LASP1: variants seen among roughly 807,000 people sequenced by gnomAD.
LASP1 encodes LIM and SH3 protein 1.
In LASP1, 10 loss-of-function variants were observed where a neutral mutation model predicts 38.6. The ratio of observed to expected loss-of-function variants is 0.26; its 90% CI spans 0.16 to 0.44. LASP1 has a LOEUF of 0.44. Ranked by LOEUF, LASP1 falls within the 20% of genes least tolerant of loss-of-function variation. The probability of loss-of-function intolerance (pLI) is 1.00; values close to 1 mark genes in which losing one functional copy is unlikely to be tolerated. For synonymous variants in LASP1, 132 were observed against 140.8 expected (o/e 0.94, Z 0.44); for missense variants, 243 against 375.7 (o/e 0.65, Z 2.92).
At position 38,914,471 on chromosome 17, in the gene LASP1, C is replaced by A; in HGVS notation, c.504C>A (p.Ala168=). 1.2e-5 allele frequency: 20 copies of A among 1,603,218 alleles called. No homozygotes were observed. Among genetic ancestry groups the A allele is most frequent in the Non-Finnish European group, 1.6e-5 (19 of 1,175,316 alleles). ...AGCCTCACCACATCCCGACCAGTGC[C>A]CCGGGTGAGTGCAGGTCCTGTTGGT... The part of the protein sequence containing the change: ...QQQPHHIPTS[A]PVYQQPQQQP... The change falls in exon 5 of 7, where the codon GCC becomes GCA. Residue 168 remains alanine (A), a synonymous_variant. Coordinates refer to ENST00000318008, the MANE Select transcript of LASP1 (RefSeq NM_006148.4).
At chr17:38,894,289 T>A (rs1226132207) in intron 3 of LASP1, among the ~76,000 whole-genome samples, 1 of 152,194 alleles carries the variant, frequency 6.6e-6, no homozygotes, top group African/African-American at 2.4e-5. Flanking sequence ...TGTTCTTCCA[T>A]TTTTTCCTTC....
intron 3 of LASP1, among the ~76,000 whole-genome samples, chr17:38,892,259 C>T (rs954192314): frequency 5.9e-5 from 9 of 152,186 alleles, no homozygotes; most frequent in African/African-American, 1.9e-4. Context: ...CTGGTCTTGT[C>T]ACTCCCAAGT....
chr17:38,881,793 C>G (rs1913960170), intron 2 of LASP1, among the ~76,000 whole-genome samples: 1 of 152,222 alleles, frequency 6.6e-6, no homozygotes. Context: ...TATGTTCTGC[C>G]TGTCTCTGGC....
At chr17:38,902,785 C>T (rs2143800230) in intron 4 of LASP1, among the ~76,000 whole-genome samples, 2 of 152,292 alleles carry the variant, frequency 1.3e-5, no homozygotes, top group South Asian at 4.1e-4. Flanking sequence ...TCACTGCAAC[C>T]TCTGCCTCCC....
In LASP1 at chr17:38,920,760, G is replaced by A. The variant is rs1278926454; in HGVS notation, c.*1982G>A. 2 of 233,390 alleles carry A rather than the reference G, an allele frequency of 8.6e-6. No homozygotes were observed. Among genetic ancestry groups the A allele is most frequent in the Non-Finnish European group, 1.7e-5 (2 of 117,976 alleles). 14.5% of individuals were successfully genotyped at this position (233,390 alleles called of 1,614,324 possible). On this transcript the variant is annotated 3_prime_UTR_variant, in exon 7 of 7. Coordinates refer to ENST00000318008, the MANE Select transcript of LASP1 (RefSeq NM_006148.4). ...GGCCCCAGCCTAGGTGGAGGCAAGT[G>A]GAATATCTTATATTGGGCGATTTGG...
intron 2 of LASP1, among the ~76,000 whole-genome samples, chr17:38,886,432 C>T (rs1365821657): frequency 1.3e-5 from 2 of 152,094 alleles, no homozygotes; most frequent in African/African-American, 4.8e-5. Flanking sequence ...CTCTGGAGTG[C>T]CTCTTTAATC....
At chr17:38,888,615 G>A (rs1410334365) in intron 2 of LASP1, among the ~76,000 whole-genome samples, 1 of 152,188 alleles carries the variant, frequency 6.6e-6, no homozygotes, top group Non-Finnish European at 1.5e-5. Flanking sequence ...ACTGAGCATC[G>A]CCTACTATTC....
At chr17:38,882,078 C>T (rs1033415556) in intron 2 of LASP1, among the ~76,000 whole-genome samples, 2 of 152,116 alleles carry the variant, frequency 1.3e-5, no homozygotes, top group Admixed American at 6.6e-5. Context: ...AGGCAGACAC[C>T]CACGCCGGTG....
chr17:38,913,933 T>G (rs1915031860), intron 4 of LASP1, among the ~76,000 whole-genome samples: 1 of 145,086 alleles, frequency 6.9e-6, no homozygotes. Context: ...ACCCTGGAGG[T>G]GGAGGTTGCG....
At chr17:38,896,304 A>G (rs1914490017) in intron 3 of LASP1, among the ~76,000 whole-genome samples, 1 of 152,214 alleles carries the variant, frequency 6.6e-6, no homozygotes, top group African/African-American at 2.4e-5. Flanking sequence ...TTTAGAGATC[A>G]GCTAGCCAGC....
At chr17:38,886,415 T>C (rs1437147373) in intron 2 of LASP1, among the ~76,000 whole-genome samples, 1 of 152,174 alleles carries the variant, frequency 6.6e-6, no homozygotes, top group Non-Finnish European at 1.5e-5. Flanking sequence ...GGGAAGGAGC[T>C]TGGAGGCTCT....
rs937045553 is a variant in LASP1 at position 38,906,254 on chromosome 17, G to A, written c.357+7735G>A. Among the ~76,000 whole-genome samples, 99 of 152,016 alleles carry A rather than the reference G, an allele frequency of 6.5e-4. 1 individual carries two copies. Among genetic ancestry groups the A allele is most frequent in the Non-Finnish European group, 1.6e-4 (11 of 68,018 alleles). The stretch of plus-strand genomic sequence containing the variant: ...CTGAGGAAAGGAAATGAGGCCAGGC[G>A]CGGTGGCTCAGGCCTGTAATCCCAG... On this transcript the variant is annotated intron_variant, in intron 4 of 6. Coordinates refer to ENST00000318008, the MANE Select transcript of LASP1 (RefSeq NM_006148.4).
chr17:38,920,150 G>A lies in LASP1; in HGVS notation c.*1372G>A. ...AAGAGGTTGGTGTGGAGTTGGGGCT[G>A]CCATAGGGTCTGCAGCCTGCTGGGG... is the stretch of plus-strand genomic sequence containing the variant. On this transcript the variant is annotated 3_prime_UTR_variant, in exon 7 of 7. Transcript: ENST00000318008. 1 of 534,598 alleles carries A rather than the reference G, an allele frequency of 1.9e-6. No individual in the cohort carries two copies. The highest frequency in any genetic ancestry group is 2.8e-4 in the Middle Eastern group (1 of 3,540). The allele number at this position is 534,598 out of a possible 1,614,324, so 33.1% of individuals were successfully genotyped here. A position where few individuals can be genotyped will look rare whatever the true frequency, so the allele number is the denominator to read the frequency against.
rs1314058116 is a variant in LASP1, at chr17:38,919,002, T to C, written c.*224T>C. 1.7e-6 allele frequency: 1 copy of C among 594,976 alleles called. No individual in the cohort carries two copies. The highest frequency in any genetic ancestry group is 3.0e-6 in the Non-Finnish European group (1 of 337,198). 36.9% of individuals were successfully genotyped at this position (594,976 alleles called of 1,614,324 possible). A position where few individuals can be genotyped will look rare whatever the true frequency, so the allele number is the denominator to read the frequency against. On this transcript the variant is annotated 3_prime_UTR_variant, in exon 7 of 7. Coordinates refer to ENST00000318008, the MANE Select transcript of LASP1 (RefSeq NM_006148.4). ...TTGATCGACTTCTTGGTTTTCTCTCTGGATGGAACGGGCATGGGCCTCTCT... is the reference window on the plus strand; with the variant it reads ...TTGATCGACTTCTTGGTTTTCTCTCCGGATGGAACGGGCATGGGCCTCTCT...
intron 3 of LASP1, among the ~76,000 whole-genome samples, chr17:38,896,065 C>G (rs1280497667): frequency 1.8e-5 from 2 of 113,542 alleles, no homozygotes; most frequent in Non-Finnish European, 4.2e-5. Flanking sequence ...CCCACAGCAC[C>G]CTGGTGAGCC....
At chr17:38,917,007 A>C (rs1915150763) in intron 6 of LASP1, among the ~76,000 whole-genome samples, 1 of 152,180 alleles carries the variant, frequency 6.6e-6, no homozygotes, top group Non-Finnish European at 1.5e-5. Flanking sequence ...GGAAGCCCGA[A>C]TTGACTAGAG....
At chr17:38,899,019 G>C (rs937953831) in intron 4 of LASP1, 5 of 344,490 alleles carry the variant, frequency 1.5e-5, no homozygotes, top group Non-Finnish European at 2.9e-5. Context: ...GCACCCCCTG[G>C]CTCACACCCC....
chr17:38,919,826 C>A lies in LASP1; in HGVS notation c.*1048C>A. 2.2e-6 allele frequency: 1 copy of A among 445,620 alleles called. No individual in the cohort carries two copies. Among genetic ancestry groups the A allele is most frequent in the Non-Finnish European group, 4.3e-6 (1 of 231,196 alleles). The allele number at this position is 445,620 out of a possible 1,614,324, so 27.6% of individuals were successfully genotyped here. A position where few individuals can be genotyped will look rare whatever the true frequency, so the allele number is the denominator to read the frequency against. ...CACTAAATCTCCAAGACCTGGTGTGCGGAGGCAGGAGCATGTATGTCTGCA... is the reference window on the plus strand; with the variant it reads ...CACTAAATCTCCAAGACCTGGTGTGAGGAGGCAGGAGCATGTATGTCTGCA... On this transcript the variant is annotated 3_prime_UTR_variant, in exon 7 of 7. Transcript: ENST00000318008.
At position 38,878,146 on chromosome 17, in the gene LASP1, T is replaced by G; in HGVS notation, c.130T>G (p.Tyr44Asp). 6.2e-7 allele frequency: 1 copy of G among 1,613,862 alleles called. No homozygotes were observed. The highest frequency in any genetic ancestry group is 8.5e-7 in the Non-Finnish European group (1 of 1,179,840). The change falls in exon 2 of 7, where the codon TAC (tyrosine) becomes GAC (aspartate). Residue 44 changes from tyrosine to aspartate, a missense_variant. By Grantham distance (160) the Tyr-to-Asp change is radical (BLOSUM62 -3). Coordinates refer to ENST00000318008, the MANE Select transcript of LASP1 (RefSeq NM_006148.4). ...TCKMTLNMKN[Y>D]KGYEKKPYCN... ...CAAGATGACACTGAACATGAAGAAC[T>G]ACAAGGGCTACGAGAAGAAGCCCTA...
Sources: allele counts gnomAD v4.1 joint callset (sites outside exome capture counted in the v4.1 genomes callset), GRCh38; gene constraint gnomAD v4.1.1; transcripts MANE v1.5; gene names NCBI Gene and HGNC (gene_info 2026-07-23, HGNC 2026-07-21).